PTPRG: variants seen among roughly 807,000 people sequenced by gnomAD.
PTPRG encodes the protein receptor-type tyrosine-protein phosphatase gamma.
PTPRG carries 102 observed loss-of-function variants against 165.3 expected under a neutral mutation model. The observed-to-expected ratio is 0.62, with a 90% CI of 0.53 to 0.73. The LOEUF is 0.73. Among genes scored for constraint, PTPRG ranks in the 30% least tolerant of loss-of-function variants. The pLI, the probability that PTPRG is intolerant of heterozygous loss-of-function variation, is 0.00. For missense variants in PTPRG, 1,866 were observed against 1,861.4 expected (o/e 1.00, Z -0.05); for synonymous variants, 675 against 669.5 (o/e 1.01, Z -0.13).
intron 6 of PTPRG, 116 bp from the exon 7 acceptor site, chr3:62,156,951 A>C: frequency 1.1e-6 from 1 of 940,202 alleles, no homozygotes; most frequent in Non-Finnish European, 1.7e-6. Context: ...CTCAGGATAT[A>C]AACAAACATA....
At chr3:61,816,200 G>A (rs1575687445) in intron 2 of PTPRG, among the ~76,000 whole-genome samples, 1 of 152,178 alleles carries the variant, frequency 6.6e-6, no homozygotes, top group East Asian at 1.9e-4. Flanking sequence ...ACATGCTGTT[G>A]TTTTGTGTCT....
At chr3:61,685,055 TTCCCGC>T (rs1703576374) in intron 1 of PTPRG, among the ~76,000 whole-genome samples, 1 of 152,206 alleles carries the variant, frequency 6.6e-6, no homozygotes, top group Non-Finnish European at 1.5e-5. Flanking sequence ...CTTCTTTCTT[TTCCCGC>T]TCCTCCGCCT....
At chr3:61,673,992 G>A (rs777025875) in intron 1 of PTPRG, among the ~76,000 whole-genome samples, 2 of 150,026 alleles carry the variant, frequency 1.3e-5, no homozygotes, top group Non-Finnish European at 3.0e-5. Flanking sequence ...GAGAAAACAT[G>A]GACACATGGA....
intron 2 of PTPRG, among the ~76,000 whole-genome samples, chr3:61,786,018 C>A (rs2034688584): frequency 6.6e-6 from 1 of 152,184 alleles, no homozygotes; most frequent in Non-Finnish European, 1.5e-5. Flanking sequence ...CAGGAAGCGA[C>A]AACTACTAAT....
chr3:61,597,207 C>CA (rs1319394091), intron 1 of PTPRG, among the ~76,000 whole-genome samples: 4 of 152,182 alleles, frequency 2.6e-5, no homozygotes, highest in Admixed American at 2.6e-4. Context: ...CATTATGCTC[C>CA]ACCCAACACT....
chr3:62,259,701 G>C (rs1030596696), intron 16 of PTPRG, among the ~76,000 whole-genome samples: 5 of 152,194 alleles, frequency 3.3e-5, no homozygotes, highest in Non-Finnish European at 5.9e-5. Flanking sequence ...CTAGAGACCA[G>C]CTGCAGGATA....
intron 2 of PTPRG, among the ~76,000 whole-genome samples, chr3:61,818,645 T>A (rs528679275): frequency 6.6e-6 from 1 of 151,436 alleles, no homozygotes; most frequent in Non-Finnish European, 1.5e-5. Flanking sequence ...GCCTAGACAA[T>A]AGAGCAAGAA....
At chr3:62,267,944 C>T in intron 19 of PTPRG, 125 bp downstream of exon 19, 1 of 1,095,966 alleles carries the variant, frequency 9.1e-7, no homozygotes, top group Non-Finnish European at 1.3e-6. Flanking sequence ...AGTGTTCTCT[C>T]TGCTTTATCT....
At chr3:61,634,906 G>A (rs1057335211) in intron 1 of PTPRG, among the ~76,000 whole-genome samples, 1 of 152,230 alleles carries the variant, frequency 6.6e-6, no homozygotes. Flanking sequence ...ATTTCAAGCT[G>A]TTGATATAGT....
chr3:62,108,176 C>G (rs562703192), intron 5 of PTPRG, among the ~76,000 whole-genome samples: 115 of 152,106 alleles, frequency 7.6e-4, no homozygotes, highest in African/African-American at 2.6e-3. Context: ...GATATTTCTC[C>G]CAATGTTATC....
In PTPRG at chr3:62,267,483, C is replaced by G; in HGVS notation, c.2730C>G (p.Asn910Lys). 1 of 1,608,658 alleles carries G rather than the reference C, an allele frequency of 6.2e-7. No homozygotes were observed. Among genetic ancestry groups the G allele is most frequent in the Non-Finnish European group, 8.5e-7 (1 of 1,176,080 alleles). The change falls in exon 18 of 30, where the codon AAC (asparagine) becomes AAG (lysine). Residue 910 changes from asparagine to lysine, a missense_variant. Physicochemically the swap from Asn to Lys is moderately conservative, Grantham distance 94. Coordinates refer to ENST00000474889, the MANE Select transcript of PTPRG (RefSeq NM_002841.4). Reference protein sequence around the residue: ...DSKHSDYINANYVDGYNKAKA... With the variant: ...DSKHSDYINAKYVDGYNKAKA... ...AGCACAGCGACTACATTAATGCAAACTATGTTGATGTAAGTCAGAACTGTT... is the reference window on the plus strand; with the variant it reads ...AGCACAGCGACTACATTAATGCAAAGTATGTTGATGTAAGTCAGAACTGTT...
intron 1 of PTPRG, among the ~76,000 whole-genome samples, chr3:61,672,076 C>T (rs1208608801): frequency 1.3e-5 from 2 of 148,254 alleles, no homozygotes; most frequent in Admixed American, 1.3e-4. Context: ...CCTCACATCC[C>T]GGACGGGGCA....
Position 62,237,422 on chromosome 3 carries a change from A to G in PTPRG, c.2375+6111A>G, listed in dbSNP as rs193064083. ...GCGTGTGTGTGTTTCATTAGTCAAG[A>G]AGGCCAATTAAACATACTGGAACCT... On this transcript the variant is annotated intron_variant, in intron 14 of 29. Transcript: ENST00000474889. This position sits in a 1 kb window ranked among gnomAD's most constrained non-coding sequence, Gnocchi z 4.5. Among the ~76,000 whole-genome samples the G allele has an allele frequency of 2.9e-3, 444 of 152,278 alleles. 3 individuals carry two copies. Among genetic ancestry groups the G allele is most frequent in the African/African-American group, 0.01 (422 of 41,562 alleles).
At chr3:62,239,349 C>CTTTTTTTTTT (rs1168589653) in intron 14 of PTPRG, among the ~76,000 whole-genome samples, 3 of 144,102 alleles carry the variant, frequency 2.1e-5, no homozygotes, top group African/African-American at 7.7e-5. Context: ...TTCTTTCTTT[C>CTTTTTTTTTT]TTTTTTCTTT....
intron 1 of PTPRG, among the ~76,000 whole-genome samples, chr3:61,597,430 C>T (rs1575527190): frequency 6.6e-6 from 1 of 152,076 alleles, no homozygotes; most frequent in East Asian, 1.9e-4. Context: ...GAACCTGCTG[C>T]TGTTAGGGAG....
chr3:61,741,462 T>C (rs1211352913), intron 1 of PTPRG, among the ~76,000 whole-genome samples: 2 of 152,242 alleles, frequency 1.3e-5, no homozygotes, highest in East Asian at 1.9e-4. Flanking sequence ...CAATTTTATA[T>C]GGAAGCTGAC....
chr3:61,709,309 T>G (rs2106740380), intron 1 of PTPRG, among the ~76,000 whole-genome samples: 1 of 152,244 alleles, frequency 6.6e-6, no homozygotes, highest in East Asian at 1.9e-4. Flanking sequence ...ATTTTATTTT[T>G]TATTTTATTT....
chr3:62,282,956 T>C lies in PTPRG; in HGVS notation c.4055+87T>C, dbSNP rs1017872976. 3.1e-6 allele frequency: 4 copies of C among 1,281,074 alleles called. No individual in the cohort carries two copies. The African/African-American group carries it at 6.1e-5, about 20-fold the overall frequency. 79.4% of individuals were successfully genotyped at this position (1,281,074 alleles called of 1,614,324 possible). On this transcript the variant is annotated intron_variant, in intron 28 of 29. Coordinates refer to ENST00000474889, the MANE Select transcript of PTPRG (RefSeq NM_002841.4). ...AGCAGTAGAAAAGGAAGCCAGAATTTTAAAACCTATCAACAACCTCAGCTT... is the reference window on the plus strand; with the variant it reads ...AGCAGTAGAAAAGGAAGCCAGAATTCTAAAACCTATCAACAACCTCAGCTT...
rs1701143640 is a variant in PTPRG, at chr3:62,240,855, A to ATCAT, written c.2376-2949_2376-2946dup. ...TTCAGCCGACTTCATTTACCACCAC[A>ATCAT]TCATTCTTATTTTCTTCATTGCTCT... On this transcript the variant is annotated intron_variant, in intron 14 of 29. Transcript: ENST00000474889. This position sits in a 1 kb window ranked among gnomAD's most constrained non-coding sequence, Gnocchi z 5.1. Among the ~76,000 whole-genome samples, 1 of 152,066 alleles carries ATCAT rather than the reference A, an allele frequency of 6.6e-6. No individual in the cohort carries two copies. The highest frequency in any genetic ancestry group is 1.5e-5 in the Non-Finnish European group (1 of 67,982).
Sources: allele counts gnomAD v4.1 joint callset (sites outside exome capture counted in the v4.1 genomes callset), GRCh38; gene constraint gnomAD v4.1.1; non-coding constraint Gnocchi (gnomAD v3.1); transcripts MANE v1.5; gene names NCBI Gene and HGNC (gene_info 2026-07-23, HGNC 2026-07-21).